Variants in RPS6KA1 observed in about 807,000 individuals in gnomAD.
RPS6KA1 encodes the protein ribosomal protein S6 kinase A1, also known as ribosomal protein S6 kinase alpha-1.
In RPS6KA1, 48 loss-of-function variants were observed where a neutral mutation model predicts 91.3. The observed-to-expected ratio is 0.53, with a 90% CI of 0.42 to 0.67. The LOEUF (loss-of-function observed/expected upper bound fraction) is 0.67. Among genes scored for constraint, RPS6KA1 ranks in the 30% least tolerant of loss-of-function variants. RPS6KA1 has a pLI of 0.00. For synonymous variants in RPS6KA1, 359 were observed against 384.7 expected (o/e 0.93, Z 0.78); for missense variants, 719 against 960.5 (o/e 0.75, Z 3.32).
rs543204589 is a variant in RPS6KA1 at position 26,546,992 on chromosome 1, T to C, written c.225+9T>C. Reference sequence around the variant, plus strand: ...AGGGATCCTTTGGCAAAGTGAGTCATGAGCCCATAGCTGTGAAGGCAACAC... The same window carrying C: ...AGGGATCCTTTGGCAAAGTGAGTCACGAGCCCATAGCTGTGAAGGCAACAC... On this transcript the variant is annotated intron_variant, in intron 3 of 21. Coordinates refer to ENST00000374168, the MANE Select transcript of RPS6KA1 (RefSeq NM_002953.4). 6.2e-7 allele frequency: 1 copy of C among 1,608,542 alleles called. No homozygotes were observed. The highest frequency in any genetic ancestry group is 2.2e-5 in the East Asian group (1 of 44,852).
chr1:26,551,619 C>T lies in RPS6KA1; in HGVS notation c.389-25C>T. The T allele has an allele frequency of 3.1e-6, 5 of 1,610,804 alleles. No individual in the cohort carries two copies. The highest frequency in any genetic ancestry group is 3.4e-6 in the Non-Finnish European group (4 of 1,176,942). On this transcript the variant is annotated intron_variant, in intron 5 of 21. Transcript: ENST00000374168. The surrounding 1 kb of genome is among the most constrained non-coding windows in gnomAD (Gnocchi z 4.5). The stretch of plus-strand genomic sequence containing the variant: ...AGATCATAAGGCCGCGCCGACTCTA[C>T]CATTGCCTTTCTCCCTCTTCCCAGC...
In RPS6KA1 at chr1:26,560,753, A is replaced by G. The variant is rs1263052344; in HGVS notation, c.1243A>G (p.Ser415Gly). 6.2e-7 allele frequency: 1 copy of G among 1,614,078 alleles called. No homozygotes were observed. The highest frequency in any genetic ancestry group is 1.3e-5 in the African/African-American group (1 of 74,920). The change falls in exon 15 of 22, where the codon AGT becomes GGT. Residue 415 changes from serine to glycine, a missense_variant. Ser to Gly is a moderately conservative substitution (Grantham distance 56). Around this residue, in one of 5 missense-constraint regions of RPS6KA1, gnomAD observed 228 missense variants for 247.6 expected, o/e 0.92. Coordinates refer to ENST00000374168, the MANE Select transcript of RPS6KA1 (RefSeq NM_002953.4). The part of the protein sequence containing the change: ...QQLHGKNLVF[S>G]DGYVVKETIG... ...ACTCCATGGGAAGAACCTGGTTTTT[A>G]GTGACGGCTACGTGGTAAAGGAGAC...
intron 1 of RPS6KA1, among the ~76,000 whole-genome samples, chr1:26,535,683 C>T (rs1180439353): frequency 6.6e-6 from 1 of 152,160 alleles, no homozygotes; most frequent in African/African-American, 2.4e-5. Context: ...GGGCTCTGGG[C>T]TGTTTCTCAG....
chr1:26,566,398 C>A (rs888427395), intron 17 of RPS6KA1, among the ~76,000 whole-genome samples: 2 of 150,052 alleles, frequency 1.3e-5, no homozygotes, highest in Non-Finnish European at 3.0e-5. Context: ...ATTCTCCTAC[C>A]TCAGCCTCCT....
At chr1:26,550,130 C>T (rs1295118658) in intron 4 of RPS6KA1, among the ~76,000 whole-genome samples, 1 of 151,638 alleles carries the variant, frequency 6.6e-6, no homozygotes, top group Non-Finnish European at 1.5e-5. Context: ...CCGCCTTCCT[C>T]AGCCTCCCAA....
rs1418710768 is a variant in RPS6KA1, at chr1:26,529,814, G to C, written c.-107G>C. 1.2e-6 allele frequency: 1 copy of C among 828,300 alleles called. No homozygotes were observed. Among genetic ancestry groups the C allele is most frequent in the East Asian group, 4.3e-5 (1 of 23,026 alleles). The allele number at this position is 828,300 out of a possible 1,614,324, so 51.3% of individuals were successfully genotyped here. A position where few individuals can be genotyped will look rare whatever the true frequency, so the allele number is the denominator to read the frequency against. On this transcript the variant is annotated 5_prime_UTR_variant, in exon 1 of 22. Transcript: ENST00000374168. The surrounding 1 kb of genome is among the most constrained non-coding windows in gnomAD (Gnocchi z 4.2). ...GGACGGCCCAGCCGGAGCGCGAGGG[G>C]CTCGGGGGGGCGCGGCGGTTCGGGT...
chr1:26,567,193 A>G (rs1365519391), intron 17 of RPS6KA1, among the ~76,000 whole-genome samples: 1 of 151,184 alleles, frequency 6.6e-6, no homozygotes, highest in Non-Finnish European at 1.5e-5. Flanking sequence ...GGCTAATTTT[A>G]AAATTTTTTT....
In RPS6KA1 at chr1:26,564,832, A is replaced by G. The variant is rs531323931; in HGVS notation, c.1590+3169A>G. On this transcript the variant is annotated intron_variant, in intron 17 of 21. Coordinates refer to ENST00000374168, the MANE Select transcript of RPS6KA1 (RefSeq NM_002953.4). ...GGTTTTTGAAATGCCAGTGCAATAG[A>G]CTAATATTTAAACATGTCAGGTCAG... is the stretch of plus-strand genomic sequence containing the variant. 5.3e-5 allele frequency among the ~76,000 whole-genome samples: 8 copies of G among 152,350 alleles called. No individual in the cohort carries two copies. In the South Asian group the frequency reaches 1.2e-3, roughly 24 times the overall value.
In RPS6KA1 at chr1:26,529,906, C is replaced by A; in HGVS notation, c.-15C>A. On this transcript the variant is annotated 5_prime_UTR_variant, in exon 1 of 22. Transcript: ENST00000374168. The surrounding 1 kb of genome is among the most constrained non-coding windows in gnomAD (Gnocchi z 4.2). The stretch of plus-strand genomic sequence containing the variant: ...GGGGCCGCCGGAGGAGCGCGGGTGA[C>A]CTGGCGGCGGCGAGATGCCGCTCGC... 1 of 1,423,300 alleles carries A rather than the reference C, an allele frequency of 7.0e-7. No homozygotes were observed. The highest frequency in any genetic ancestry group is 9.2e-7 in the Non-Finnish European group (1 of 1,087,664). 88.2% of individuals were successfully genotyped at this position (1,423,300 alleles called of 1,614,324 possible).
intron 4 of RPS6KA1, among the ~76,000 whole-genome samples, chr1:26,548,777 C>A (rs576465247): frequency 6.7e-6 from 1 of 148,262 alleles, no homozygotes; most frequent in African/African-American, 2.5e-5. Flanking sequence ...CCAGCCTGGG[C>A]GATGAGAGCG....
intron 13 of RPS6KA1, 75 bp downstream of exon 13, chr1:26,557,175 G>A (rs1266323316): frequency 5.9e-6 from 7 of 1,196,486 alleles, no homozygotes; most frequent in East Asian, 2.4e-5. Flanking sequence ...AGCTTGGGGG[G>A]CAGAGATAGT....
rs779826023 is a variant in RPS6KA1 at position 26,560,839 on chromosome 1, G to A, written c.1329G>A (p.Glu443=). The change falls in exon 15 of 22, where the codon GAG becomes GAA. Residue 443 remains glutamate (E), a synonymous_variant. Coordinates refer to ENST00000374168, the MANE Select transcript of RPS6KA1 (RefSeq NM_002953.4). ...GTGTCCACAAGGCCACCAACATGGAGTATGCTGTCAAGGTGGGCCTCCTGA... is the reference window on the plus strand; with the variant it reads ...GTGTCCACAAGGCCACCAACATGGAATATGCTGTCAAGGTGGGCCTCCTGA... The part of the protein sequence containing the change: ...KRCVHKATNM[E]YAVKVIDKSK... 2.5e-6 allele frequency: 4 copies of A among 1,614,214 alleles called. No individual in the cohort carries two copies. Among genetic ancestry groups the A allele is most frequent in the African/African-American group, 1.3e-5 (1 of 75,054 alleles).
At chr1:26,531,677 C>G (rs554280771) in intron 1 of RPS6KA1, among the ~76,000 whole-genome samples, 27 of 152,268 alleles carry the variant, frequency 1.8e-4, no homozygotes, top group African/African-American at 3.1e-4. Context: ...CAGGGGGACG[C>G]AATTTCCTCA....
At chr1:26,564,834 T>C (rs1570457712) in intron 17 of RPS6KA1, among the ~76,000 whole-genome samples, 1 of 152,356 alleles carries the variant, frequency 6.6e-6, no homozygotes, top group East Asian at 1.9e-4. Context: ...TGCAATAGAC[T>C]AATATTTAAA....
intron 2 of RPS6KA1, among the ~76,000 whole-genome samples, chr1:26,546,633 C>T (rs1041707241): frequency 1.3e-5 from 2 of 152,244 alleles, no homozygotes; most frequent in Admixed American, 1.3e-4. Context: ...CCCTTTGGGC[C>T]TAACCAGGCC....
At chr1:26,562,825 CTTTTTTTT>C (rs748764001) in intron 17 of RPS6KA1, among the ~76,000 whole-genome samples, 5 of 81,430 alleles carry the variant, frequency 6.1e-5, no homozygotes, top group South Asian at 5.5e-4. Context: ...TCCTATTGTC[CTTTTTTTT>C]TTTTTTTTTT....
At position 26,571,588 on chromosome 1, in the gene RPS6KA1, C is replaced by T; in HGVS notation, c.1730C>T (p.Thr577Ile). 1.9e-6 allele frequency: 3 copies of T among 1,614,178 alleles called. No homozygotes were observed. The highest frequency in any genetic ancestry group is 2.5e-6 in the Non-Finnish European group (3 of 1,180,008). Residue 577 changes from threonine to isoleucine, a missense_variant, in exon 18 of 22, where the codon ACA becomes ATA. By Grantham distance (89) the Thr-to-Ile change is moderately conservative. This residue lies in a region of RPS6KA1 where 249 missense variants were observed against 323.1 expected (regional missense o/e 0.77). Transcript: ENST00000374168. The surrounding 1 kb of genome is among the most constrained non-coding windows in gnomAD (Gnocchi z 5.1). ...GGGCTCCTCATGACACCTTGCTACA[C>T]AGCCAACTTTGTGGCGCCTGAGGTG... ...ENGLLMTPCY[T>I]ANFVAPEVLK...
intron 2 of RPS6KA1, chr1:26,545,839 A>G (rs1178269463): frequency 2.0e-6 from 3 of 1,482,430 alleles, no homozygotes; most frequent in African/African-American, 2.9e-5. Context: ...GGTCCCGGCC[A>G]CCACTGCGGC....
At position 26,529,791 on chromosome 1, in the gene RPS6KA1, A is replaced by C; in HGVS notation, c.-130A>C. The C allele has an allele frequency of 1.8e-6, 1 of 569,302 alleles. No individual in the cohort carries two copies. Among genetic ancestry groups the C allele is most frequent in the South Asian group, 8.0e-5 (1 of 12,486 alleles). 35.3% of individuals were successfully genotyped at this position (569,302 alleles called of 1,614,324 possible). ...GCTAGTGCCGCGGCGGCGGCGGCGGACGGCCCAGCCGGAGCGCGAGGGGCT... is the reference window on the plus strand; with the variant it reads ...GCTAGTGCCGCGGCGGCGGCGGCGGCCGGCCCAGCCGGAGCGCGAGGGGCT... On this transcript the variant is annotated 5_prime_UTR_variant, in exon 1 of 22. Transcript: ENST00000374168. The surrounding 1 kb of genome is among the most constrained non-coding windows in gnomAD (Gnocchi z 4.2).
Sources: gnomAD v4.1 joint callset for allele counts (sites outside exome capture counted in the v4.1 genomes callset) on GRCh38, gnomAD v4.1.1 for gene constraint, gnomAD v4.1.1 regional missense constraint, Gnocchi (gnomAD v3.1) non-coding constraint, MANE v1.5 for transcripts, NCBI Gene and HGNC (gene_info 2026-07-23, HGNC 2026-07-21) for gene names.